ARHGAP33: variants seen among roughly 807,000 people sequenced by gnomAD.
The protein encoded by ARHGAP33 is Rho GTPase activating protein 33.
ARHGAP33 carries 57 observed loss-of-function variants against 126.2 expected under a neutral mutation model. The ratio of observed to expected loss-of-function variants is 0.45; its 90% CI spans 0.36 to 0.56. ARHGAP33 has a LOEUF of 0.56. Among genes scored for constraint, ARHGAP33 ranks in the 20% least tolerant of loss-of-function variants. The probability of loss-of-function intolerance (pLI) is 0.00; values close to 1 mark genes in which losing one functional copy is unlikely to be tolerated. For synonymous variants in ARHGAP33, 711 were observed against 755.0 expected (o/e 0.94, Z 0.95); for missense variants, 1,500 against 1,748.3 (o/e 0.86, Z 2.53).
chr19:35,776,016 G>T (rs1480301905), intron 1 of ARHGAP33, among the ~76,000 whole-genome samples: 1 of 151,472 alleles, frequency 6.6e-6, no homozygotes, highest in East Asian at 2.0e-4. Flanking sequence ...ACCTTCCTCG[G>T]CATCCTTCTG....
rs1484190457 is a variant in ARHGAP33, at chr19:35,785,494, C to A, written c.1942+11C>A. On this transcript the variant is annotated intron_variant, in intron 19 of 20. Coordinates refer to ENST00000007510, the MANE Select transcript of ARHGAP33 (RefSeq NM_001366178.1). Reference sequence around the variant, plus strand: ...AGGCCAGCGGGGCTGGTGAGCAAGGCGGGCAATTGGGGGGCGCTACCTGTG... The same window carrying A: ...AGGCCAGCGGGGCTGGTGAGCAAGGAGGGCAATTGGGGGGCGCTACCTGTG... 1.7e-5 allele frequency: 28 copies of A among 1,613,988 alleles called. No homozygotes were observed. The highest frequency in any genetic ancestry group is 2.3e-5 in the Non-Finnish European group (27 of 1,179,998).
At position 35,788,369 on chromosome 19, in the gene ARHGAP33, C is replaced by T; in HGVS notation, c.3804C>T (p.Pro1268=). The T allele has an allele frequency of 6.3e-7, 1 of 1,596,140 alleles. No individual in the cohort carries two copies. The highest frequency in any genetic ancestry group is 8.5e-7 in the Non-Finnish European group (1 of 1,172,204). Residue 1268 remains proline (P), a synonymous_variant, in exon 21 of 21, where the codon CCC becomes CCT. Coordinates refer to ENST00000007510, the MANE Select transcript of ARHGAP33 (RefSeq NM_001366178.1). ...GQRGEGAGPP[P]PYPTPSWSLH... is the part of the protein sequence containing the mutation. ...GAGGGGAGGGGGCTGGTCCCCCACC[C>T]CCTTACCCCACTCCCAGCTGGTCCC...
rs746094199 is a variant in ARHGAP33, at chr19:35,778,581, G to A, written c.388G>A (p.Glu130Lys). 29 of 1,613,688 alleles carry A rather than the reference G, an allele frequency of 1.8e-5. No homozygotes were observed. Among genetic ancestry groups the A allele is most frequent in the South Asian group, 1.8e-4 (16 of 91,052 alleles). The change falls in exon 5 of 21, where the codon GAG becomes AAG. Residue 130 changes from glutamate to lysine, a missense_variant. Coordinates refer to ENST00000007510, the MANE Select transcript of ARHGAP33 (RefSeq NM_001366178.1). ...SCLPELPPPP[E>K]GARAAQMLVP... ...CCTTCCGGAGCTTCCCCCGCCCCCC[G>A]AGGGTGCCAGGGCTGCCCAGGTAAC...
At position 35,782,328 on chromosome 19, in the gene ARHGAP33, C is replaced by G. The variant is rs231223; in HGVS notation, c.1086-45C>G. ...AGGGGAGCATGGCCACGTGAGCGAG[C>G]CCCTCTGACCTGGATCTTCCTCCTC... On this transcript the variant is annotated intron_variant, in intron 12 of 20. Coordinates refer to ENST00000007510, the MANE Select transcript of ARHGAP33 (RefSeq NM_001366178.1). The surrounding 1 kb of genome is among the most constrained non-coding windows in gnomAD (Gnocchi z 4.1). 0.41 allele frequency: 649,297 copies of G among 1,572,388 alleles called. 139,655 individuals are homozygous for G. Among genetic ancestry groups the G allele is most frequent in the African/African-American group, 0.65 (48,563 of 74,328 alleles).
At chr19:35,775,812 G>A in intron 1 of ARHGAP33, 148 bp downstream of exon 1, 2 of 777,514 alleles carry the variant, frequency 2.6e-6, no homozygotes, top group African/African-American at 1.9e-5. Flanking sequence ...GCCCCATCCC[G>A]GGTCCCAGCC....
Position 35,786,418 on chromosome 19 carries a change from C to T in ARHGAP33, c.1948C>T (p.Gln650Ter). The T allele has an allele frequency of 6.5e-7, 1 of 1,531,864 alleles. No individual in the cohort carries two copies. Among genetic ancestry groups the T allele is most frequent in the Non-Finnish European group, 8.7e-7 (1 of 1,144,246 alleles). 94.9% of individuals were successfully genotyped at this position (1,531,864 alleles called of 1,614,324 possible). ...LSSQASGAGL[Q>*]RLHRLRRPHS... ...CACTGACCCCACCCCTCCAGGCCTC[C>T]AGAGGCTGCACAGGCTGCGGCGACC... Residue 650 changes from glutamine to a stop codon, truncating the protein, a stop_gained, in exon 20 of 21, where the codon CAG (glutamine) becomes TAG (stop). Coordinates refer to ENST00000007510, the MANE Select transcript of ARHGAP33 (RefSeq NM_001366178.1). LOFTEE classifies it high-confidence loss of function. This position sits in a 1 kb window ranked among gnomAD's most constrained non-coding sequence, Gnocchi z 7.0.
At position 35,788,034 on chromosome 19, in the gene ARHGAP33, C is replaced by T; in HGVS notation, c.3469C>T (p.His1157Tyr). 6.2e-7 allele frequency: 1 copy of T among 1,610,044 alleles called. No individual in the cohort carries two copies. Among genetic ancestry groups the T allele is most frequent in the Non-Finnish European group, 8.5e-7 (1 of 1,178,620 alleles). ...CCACCTTGGCTACTCAGCCCCCCAG[C>T]ACCCTGCTCGGCGCCCTACACCGCC... The part of the protein sequence containing the change: ...PDHLGYSAPQ[H>Y]PARRPTPPEP... Residue 1157 changes from histidine (H) to tyrosine (Y), a missense_variant, in exon 21 of 21, where the codon CAC becomes TAC. Physicochemically the swap from His to Tyr is moderately conservative, Grantham distance 83. Around this residue, in one of 6 missense-constraint regions of ARHGAP33, gnomAD observed 642 missense variants for 634.0 expected, o/e 1.01. Transcript: ENST00000007510.
intron 19 of ARHGAP33, 67 bp downstream of exon 19, chr19:35,785,550 TG>T: frequency 1.3e-6 from 2 of 1,598,364 alleles, no homozygotes; most frequent in Non-Finnish European, 1.7e-6. Context: ...ATTGGGGCCC[TG>T]GTTTGGCCTC....
chr19:35,779,276 G>C (rs757210463), intron 6 of ARHGAP33, 152 bp downstream of exon 6: 16 of 615,262 alleles, frequency 2.6e-5, no homozygotes, highest in Non-Finnish European at 3.7e-5. Context: ...GCGCATGCCT[G>C]TGAGAGAATG....
At chr19:35,785,736 T>G (rs1044522426) in intron 19 of ARHGAP33, 4 of 1,342,964 alleles carry the variant, frequency 3.0e-6, no homozygotes, top group Non-Finnish European at 3.8e-6. Flanking sequence ...TTGAACATTT[T>G]AAAATAATAT....
chr19:35,775,825 T>G (rs1971425243), intron 1 of ARHGAP33, among the ~76,000 whole-genome samples, 161 bp downstream of exon 1: 2 of 150,496 alleles, frequency 1.3e-5, no homozygotes, highest in African/African-American at 2.4e-5. Flanking sequence ...TCCCAGCCCG[T>G]ACCTCGACCC....
Position 35,786,404 on chromosome 19 carries a change from C to A in ARHGAP33, c.1943-9C>A, listed in dbSNP as rs1319869914. On this transcript the variant is annotated splice_polypyrimidine_tract_variant and intron_variant, in intron 19 of 20. Transcript: ENST00000007510. The surrounding 1 kb of genome is among the most constrained non-coding windows in gnomAD (Gnocchi z 7.0). ...CTCAGGGATGGTCTCACTGACCCCA[C>A]CCCTCCAGGCCTCCAGAGGCTGCAC... The A allele has an allele frequency of 6.6e-7, 1 of 1,524,954 alleles. No individual in the cohort carries two copies. Among genetic ancestry groups the A allele is most frequent in the African/African-American group, 1.4e-5 (1 of 73,006 alleles). The allele number at this position is 1,524,954 out of a possible 1,614,324, so 94.5% of individuals were successfully genotyped here. A position where few individuals can be genotyped will look rare whatever the true frequency, so the allele number is the denominator to read the frequency against.
At position 35,787,427 on chromosome 19, in the gene ARHGAP33, C is replaced by A; in HGVS notation, c.2862C>A (p.Asn954Lys). The A allele has an allele frequency of 1.2e-6, 2 of 1,611,668 alleles. No homozygotes were observed. Among genetic ancestry groups the A allele is most frequent in the Non-Finnish European group, 1.7e-6 (2 of 1,179,014 alleles). Residue 954 changes from asparagine to lysine, a missense_variant, in exon 21 of 21, where the codon AAC becomes AAA. By Grantham distance (94) the Asn-to-Lys change is moderately conservative. Around this residue, in one of 6 missense-constraint regions of ARHGAP33, gnomAD observed 642 missense variants for 634.0 expected, o/e 1.01. Coordinates refer to ENST00000007510, the MANE Select transcript of ARHGAP33 (RefSeq NM_001366178.1). ...CCTCAGGGAGTGGGCCACCTCCCAACTCCCTAGCACACCCGGGTGCCTGGG... is the reference window on the plus strand; with the variant it reads ...CCTCAGGGAGTGGGCCACCTCCCAAATCCCTAGCACACCCGGGTGCCTGGG... ...LGTSGSGPPP[N>K]SLAHPGAWVP...
Position 35,787,788 on chromosome 19 carries a change from C to A in ARHGAP33, c.3223C>A (p.Pro1075Thr), listed in dbSNP as rs866590798. 1 of 1,580,638 alleles carries A rather than the reference C, an allele frequency of 6.3e-7. No individual in the cohort carries two copies. ...PAPVWRSSLGPPAPLDRGENL... is the reference protein window; with the variant it reads ...PAPVWRSSLGTPAPLDRGENL... ...CCCAGTCTGGAGGAGCTCTCTGGGC[C>A]CCCCTGCACCACTCGACAGGGGAGA... Residue 1075 changes from proline (P) to threonine (T), a missense_variant, in exon 21 of 21, where the codon CCC (proline) becomes ACC (threonine). Coordinates refer to ENST00000007510, the MANE Select transcript of ARHGAP33 (RefSeq NM_001366178.1).
In ARHGAP33 at chr19:35,782,803, G is replaced by T. The variant is rs766165109; in HGVS notation, c.1355G>T (p.Arg452Ile). Residue 452 changes from arginine (R) to isoleucine (I), a missense_variant, in exon 15 of 21, where the codon AGA (arginine) becomes ATA (isoleucine). Physicochemically the swap from Arg to Ile is moderately conservative, Grantham distance 97 (BLOSUM62 -3). Coordinates refer to ENST00000007510, the MANE Select transcript of ARHGAP33 (RefSeq NM_001366178.1). This position sits in a 1 kb window ranked among gnomAD's most constrained non-coding sequence, Gnocchi z 4.1. ...YLLRHLARMA[R>I]HSANTSMHAR... is the part of the protein sequence containing the mutation. ...CTGAGGCACCTGGCCCGCATGGCGA[G>T]ACACAGTGCCAACACCAGCATGCAT... The T allele has an allele frequency of 2.5e-6, 4 of 1,613,800 alleles. No homozygotes were observed. Among genetic ancestry groups the T allele is most frequent in the Non-Finnish European group, 3.4e-6 (4 of 1,179,900 alleles).
At chr19:35,777,537 G>A (rs1412922324) in intron 1 of ARHGAP33, 108 bp from the exon 2 acceptor site, 1 of 841,316 alleles carries the variant, frequency 1.2e-6, no homozygotes, top group Non-Finnish European at 1.9e-6. Flanking sequence ...CATGCTCAGG[G>A]CGGTGTGTGG....
At chr19:35,778,159 C>A in intron 3 of ARHGAP33, 121 bp from the exon 4 acceptor site, 1 of 1,048,088 alleles carries the variant, frequency 9.5e-7, no homozygotes. Flanking sequence ...ACCAGGACAT[C>A]ACCAGGCCCT....
At position 35,785,225 on chromosome 19, in the gene ARHGAP33, AG is replaced by A. The variant is rs1185494642; in HGVS notation, c.1763del (p.Gly588AlafsTer44). ...GERGEKQRKP[G>X]GSSWKTFFAL... ...AGAGAGGGGAGAAGCAGCGGAAGCCAGGGGGCAGCAGCTGGAAGACGTTCTT... is the reference window on the plus strand; with the variant it reads ...AGAGAGGGGAGAAGCAGCGGAAGCCAGGGGCAGCAGCTGGAAGACGTTCTT... On this transcript the variant is annotated frameshift_variant, in exon 18 of 21. Transcript: ENST00000007510. LOFTEE classifies it high-confidence loss of function. 6 of 1,582,334 alleles carry A rather than the reference AG, an allele frequency of 3.8e-6. No homozygotes were observed. Among genetic ancestry groups the A allele is most frequent in the Non-Finnish European group, 4.3e-6 (5 of 1,161,600 alleles).
rs1474111219 is a variant in ARHGAP33 at position 35,784,319 on chromosome 19, T to C, written c.1567+2T>C. On this transcript the variant is annotated splice_donor_variant, in intron 16 of 20. Coordinates refer to ENST00000007510, the MANE Select transcript of ARHGAP33 (RefSeq NM_001366178.1). LOFTEE classifies it high-confidence loss of function. ...CCTCCGCCGGCCTCGACCCTGCAGG[T>C]ATGCCCTCCCACCCCCTGAGGTCCT... 2 of 1,563,930 alleles carry C rather than the reference T, an allele frequency of 1.3e-6. No individual in the cohort carries two copies. Among genetic ancestry groups the C allele is most frequent in the Non-Finnish European group, 1.7e-6 (2 of 1,152,704 alleles).
Sources: gnomAD v4.1 joint callset for allele counts (sites outside exome capture counted in the v4.1 genomes callset) on GRCh38, gnomAD v4.1.1 for gene constraint, gnomAD v4.1.1 regional missense constraint, Gnocchi (gnomAD v3.1) non-coding constraint, MANE v1.5 for transcripts, NCBI Gene and HGNC (gene_info 2026-07-23, HGNC 2026-07-21) for gene names.